OTOG: variants seen among roughly 807,000 people sequenced by gnomAD.
OTOG encodes otogelin.
In OTOG, 296 loss-of-function variants were observed where a neutral mutation model predicts 313.8. That is an observed-to-expected ratio of 0.94 (90% CI 0.86 to 1.04). The LOEUF (loss-of-function observed/expected upper bound fraction) is 1.04, where lower values mean the gene tolerates loss of function less well. Among genes scored for constraint, OTOG ranks in the 50% least tolerant of loss-of-function variants. The probability of loss-of-function intolerance (pLI) is 0.00; values close to 1 mark genes in which losing one functional copy is unlikely to be tolerated. For synonymous variants in OTOG, 1,533 were observed against 1,554.9 expected (o/e 0.99, Z 0.33); for missense variants, 3,948 against 3,840.1 (o/e 1.03, Z -0.74).
chr11:17,609,569 C>T, intron 35 of OTOG, 86 bp from the exon 36 acceptor site: 3 of 1,253,064 alleles, frequency 2.4e-6, no homozygotes, highest in Non-Finnish European at 3.3e-6. Context: ...TGCCAGTCCT[C>T]AAGCCTCACA....
intron 22 of OTOG, among the ~76,000 whole-genome samples, chr11:17,577,423 C>T (rs1852557184): frequency 6.6e-6 from 1 of 151,816 alleles, no homozygotes; most frequent in African/African-American, 2.4e-5. Context: ...TGGAGTAGGG[C>T]CTGGGGGCTG....
intron 47 of OTOG, 67 bp downstream of exon 47, chr11:17,635,778 G>A: frequency 7.7e-7 from 1 of 1,302,310 alleles, no homozygotes; most frequent in Non-Finnish European, 1.1e-6. Context: ...TCCCACCCCG[G>A]ACCAATGGGG....
chr11:17,638,815 C>T (rs1216321389), intron 48 of OTOG: 42 of 1,434,222 alleles, frequency 2.9e-5, no homozygotes, highest in Admixed American at 6.3e-5. Flanking sequence ...GTCCTTACTG[C>T]GGCCGGGCAC....
chr11:17,574,907 C>T lies in OTOG; in HGVS notation c.2481C>T (p.Val827=). 2 of 1,504,928 alleles carry T rather than the reference C, an allele frequency of 1.3e-6. No homozygotes were observed. The highest frequency in any genetic ancestry group is 1.8e-6 in the Non-Finnish European group (2 of 1,121,732). 93.2% of individuals were successfully genotyped at this position (1,504,928 alleles called of 1,614,324 possible). A position where few individuals can be genotyped will look rare whatever the true frequency, so the allele number is the denominator to read the frequency against. The part of the protein sequence containing the change: ...TYLDTQADLC[V]PRNQCSCHFQ... Reference sequence around the variant, plus strand: ...TGGACACCCAGGCTGACCTCTGTGTCCCCCGGTGAGTGGGTCAGCTTGATC... The same window carrying T: ...TGGACACCCAGGCTGACCTCTGTGTTCCCCGGTGAGTGGGTCAGCTTGATC... The change falls in exon 20 of 56, where the codon GTC becomes GTT. Residue 827 remains valine (V), a synonymous_variant. Coordinates refer to ENST00000399397, the MANE Select transcript of OTOG (RefSeq NM_001292063.2).
In OTOG at chr11:17,586,594, C is replaced by G; in HGVS notation, c.2867+13C>G. 1.5e-6 allele frequency: 2 copies of G among 1,347,640 alleles called. No homozygotes were observed. Among genetic ancestry groups the G allele is most frequent in the Middle Eastern group, 1.9e-4 (1 of 5,248 alleles). The allele number at this position is 1,347,640 out of a possible 1,614,324, so 83.5% of individuals were successfully genotyped here. Reference sequence around the variant, plus strand: ...CTTGCCATACCTGGTAAGTGAGGGTCCCAAGCAGGCTTTGCTTTTTTGCTG... The same window carrying G: ...CTTGCCATACCTGGTAAGTGAGGGTGCCAAGCAGGCTTTGCTTTTTTGCTG... On this transcript the variant is annotated intron_variant, in intron 24 of 55. Coordinates refer to ENST00000399397, the MANE Select transcript of OTOG (RefSeq NM_001292063.2).
chr11:17,626,781 T>C (rs1172423592), intron 39 of OTOG, among the ~76,000 whole-genome samples: 1 of 152,218 alleles, frequency 6.6e-6, no homozygotes, highest in Non-Finnish European at 1.5e-5. Flanking sequence ...TTGTGTCTTG[T>C]TCAATTTCTT....
rs112019231 is a variant in OTOG at position 17,635,246 on chromosome 11, C to T, written c.7693+59C>T. 5,291 of 1,375,176 alleles carry T rather than the reference C, an allele frequency of 3.8e-3. 151 individuals carry two copies. In the African/African-American group the frequency reaches 0.063, roughly 16 times the overall value. The allele number at this position is 1,375,176 out of a possible 1,614,324, so 85.2% of individuals were successfully genotyped here. On this transcript the variant is annotated intron_variant, in intron 46 of 55. Coordinates refer to ENST00000399397, the MANE Select transcript of OTOG (RefSeq NM_001292063.2). ...GCCTGATCACAGTCCGCCGGCCTCA[C>T]CCCTGTGTCCTTGGGCAGCTGGGAG...
chr11:17,593,382 G>C, intron 26 of OTOG, 55 bp downstream of exon 26: 1 of 1,540,058 alleles, frequency 6.5e-7, no homozygotes, highest in Non-Finnish European at 8.8e-7. Context: ...TACCAGGGTT[G>C]GGGCAGAAGA....
chr11:17,563,764 T>C (rs972951944), intron 15 of OTOG, among the ~76,000 whole-genome samples: 1 of 150,738 alleles, frequency 6.6e-6, no homozygotes, highest in Admixed American at 6.6e-5. Context: ...CACTGCAGCC[T>C]CAACCTCCCA....
In OTOG at chr11:17,609,811, C is replaced by A. The variant is rs1432697232; in HGVS notation, c.4511C>A (p.Pro1504Gln). ...THRPALTPAA[P>Q]LTTALNPPVT... The stretch of plus-strand genomic sequence containing the variant: ...AGGCCAGCCCTCACCCCAGCTGCCC[C>A]ACTCACCACAGCCCTGAACCCACCA... Residue 1504 changes from proline to glutamine, a missense_variant, in exon 36 of 56, where the codon CCA (proline) becomes CAA (glutamine). Pro to Gln is a moderately conservative substitution (Grantham distance 76). Transcript: ENST00000399397. 4.5e-6 allele frequency: 7 copies of A among 1,543,980 alleles called. No homozygotes were observed. The highest frequency in any genetic ancestry group is 2.7e-5 in the African/African-American group (2 of 72,906).
intron 22 of OTOG, 51 bp from the exon 23 acceptor site, chr11:17,578,322 G>C: frequency 1.4e-6 from 2 of 1,422,992 alleles, no homozygotes; most frequent in Admixed American, 2.9e-5. Flanking sequence ...TGTAGCCCAG[G>C]AGCCCATACT....
At chr11:17,549,524 G>A (rs1851888073) in intron 3 of OTOG, among the ~76,000 whole-genome samples, 1 of 152,204 alleles carries the variant, frequency 6.6e-6, no homozygotes, top group South Asian at 2.1e-4. Context: ...AGGTATTGGA[G>A]TCATTTTTTT....
At chr11:17,557,366 T>TG (rs1565090587) in intron 8 of OTOG, 43 bp downstream of exon 8, 2 of 1,440,688 alleles carry the variant, frequency 1.4e-6, no homozygotes, top group Non-Finnish European at 1.9e-6. Context: ...TTGGTGGGGA[T>TG]GGGGGACAGG....
intron 38 of OTOG, among the ~76,000 whole-genome samples, 195 bp from the exon 39 acceptor site, chr11:17,613,417 G>A (rs1028871080): frequency 3.0e-5 from 4 of 132,530 alleles, no homozygotes; most frequent in South Asian, 4.8e-4. Flanking sequence ...GTTTTGGTCT[G>A]GGCTTGCATG....
At chr11:17,628,340 T>G (rs1854034858) in intron 39 of OTOG, among the ~76,000 whole-genome samples, 1 of 152,190 alleles carries the variant, frequency 6.6e-6, no homozygotes, top group Non-Finnish European at 1.5e-5. Context: ...CAGGAGCATA[T>G]AAAACAGTCT....
intron 25 of OTOG, among the ~76,000 whole-genome samples, chr11:17,592,055 T>C (rs576694045): frequency 7.2e-5 from 11 of 152,248 alleles, no homozygotes; most frequent in African/African-American, 2.6e-4. Flanking sequence ...GGGGTCAAGT[T>C]TGACCAAGAA....
chr11:17,572,299 T>C (rs1204917033), intron 18 of OTOG, 95 bp downstream of exon 18: 3 of 1,477,932 alleles, frequency 2.0e-6, no homozygotes, highest in Middle Eastern at 4.0e-4. Flanking sequence ...AGGAGAGTGC[T>C]GGCCAAATTT....
At chr11:17,596,336 A>G (rs1428856880) in intron 29 of OTOG, among the ~76,000 whole-genome samples, 182 bp downstream of exon 29, 10 of 152,230 alleles carry the variant, frequency 6.6e-5, no homozygotes, top group Admixed American at 6.5e-4. Context: ...CCAGATGACC[A>G]GGCACAGACA....
In OTOG at chr11:17,569,294, GT is replaced by G. The variant is rs972856260; in HGVS notation, c.1777+9del. 2 of 1,550,412 alleles carry G rather than the reference GT, an allele frequency of 1.3e-6. No individual in the cohort carries two copies. The highest frequency in any genetic ancestry group is 1.7e-6 in the Non-Finnish European group (2 of 1,146,960). ...CATCCCGCCATACACAGATGGTACG[GT>G]TTGGGGTGGACAACAGACCTAGTTG... On this transcript the variant is annotated splice_region_variant and intron_variant, in intron 16 of 55. Coordinates refer to ENST00000399397, the MANE Select transcript of OTOG (RefSeq NM_001292063.2).
Sources: allele counts gnomAD v4.1 joint callset (sites outside exome capture counted in the v4.1 genomes callset), GRCh38; gene constraint gnomAD v4.1.1; transcripts MANE v1.5; gene names NCBI Gene and HGNC (gene_info 2026-07-23, HGNC 2026-07-21).